The following FXR1 variants were observed in gnomAD, a reference collection of about 807,000 sequenced individuals.
FXR1 encodes RNA-binding protein FXR1.
In FXR1, 15 loss-of-function variants were observed where a neutral mutation model predicts 84.0. The observed-to-expected ratio is 0.18, with a 90% CI of 0.12 to 0.27. The LOEUF (loss-of-function observed/expected upper bound fraction) is 0.27, where lower values mean the gene tolerates loss of function less well. FXR1 is among the 10% of genes least tolerant of loss of function. The pLI is 1.00. For missense variants in FXR1, 480 were observed against 774.4 expected (o/e 0.62, Z 4.51); for synonymous variants, 245 against 250.7 (o/e 0.98, Z 0.21).
chr3:180,913,878 C>A (rs1038675613), intron 1 of FXR1, among the ~76,000 whole-genome samples: 1 of 152,176 alleles, frequency 6.6e-6, no homozygotes, highest in African/African-American at 2.4e-5. Flanking sequence ...AAAGTGAATT[C>A]TCACAGGTTT....
chr3:180,930,448 G>A (rs1035723758), intron 1 of FXR1, among the ~76,000 whole-genome samples: 1 of 152,064 alleles, frequency 6.6e-6, no homozygotes, highest in African/African-American at 2.4e-5. Context: ...TGAGAAAGGA[G>A]TGAAAGTTCC....
chr3:180,963,772 C>G (rs1452346323), intron 13 of FXR1, among the ~76,000 whole-genome samples: 1 of 152,204 alleles, frequency 6.6e-6, no homozygotes, highest in Non-Finnish European at 1.5e-5. Context: ...CAACAATTCT[C>G]TAATCCTAAA....
chr3:180,948,949 T>C, intron 6 of FXR1, 135 bp downstream of exon 6: 1 of 630,244 alleles, frequency 1.6e-6, no homozygotes, highest in Non-Finnish European at 2.9e-6. Flanking sequence ...GGAGAAAAAT[T>C]TGTTTGCAGC....
intron 10 of FXR1, among the ~76,000 whole-genome samples, chr3:180,959,978 C>A (rs1368734110): frequency 6.6e-6 from 1 of 152,130 alleles, no homozygotes; most frequent in Admixed American, 6.5e-5. Context: ...CTAAACCATT[C>A]TGTTTAACTG....
Position 180,960,142 on chromosome 3 carries a change from C to A in FXR1, c.991-1326C>A, listed in dbSNP as rs1172718571. Among the ~76,000 whole-genome samples, 3 of 152,166 alleles carry A rather than the reference C, an allele frequency of 2.0e-5. No homozygotes were observed. In the East Asian group the frequency reaches 5.8e-4, roughly 29 times the overall value. Reference sequence around the variant, plus strand: ...CAGTGTGCCATCTTATTTCTCTTTTCTGCCACTTTTTAAAAATCTTCTTAT... The same window carrying A: ...CAGTGTGCCATCTTATTTCTCTTTTATGCCACTTTTTAAAAATCTTCTTAT... On this transcript the variant is annotated intron_variant, in intron 10 of 16. Coordinates refer to ENST00000357559, the MANE Select transcript of FXR1 (RefSeq NM_005087.4).
chr3:180,913,402 G>A lies in FXR1; in HGVS notation c.51+666G>A, dbSNP rs533154699. 2.6e-5 allele frequency among the ~76,000 whole-genome samples: 4 copies of A among 152,320 alleles called. No homozygotes were observed. In the East Asian group the frequency reaches 7.7e-4, roughly 29 times the overall value. ...TTAGCCCCTCTATTACGGAAGAAAA[G>A]GAGAGTTGTGAGCTTTAAAGTAAGA... On this transcript the variant is annotated intron_variant, in intron 1 of 16. Transcript: ENST00000357559.
chr3:180,929,592 A>G (rs1393859611), intron 1 of FXR1, among the ~76,000 whole-genome samples: 1 of 152,202 alleles, frequency 6.6e-6, no homozygotes. Flanking sequence ...CAAAGATTGG[A>G]TGGAGACTTA....
At chr3:180,963,119 T>TTG in intron 13 of FXR1, 29 bp downstream of exon 13, 1 of 847,674 alleles carries the variant, frequency 1.2e-6, no homozygotes, top group Non-Finnish European at 1.9e-6. Context: ...TTTTTTTTTT[T>TTG]GGTAATAGTA....
intron 10 of FXR1, among the ~76,000 whole-genome samples, chr3:180,959,436 G>T (rs1288192546): frequency 6.6e-6 from 1 of 151,668 alleles, no homozygotes; most frequent in East Asian, 1.9e-4. Context: ...TTAACAAATA[G>T]ATGTTATTTG....
Position 180,978,333 on chromosome 3 carries a change from T to C in FXR1, c.*2041T>C, listed in dbSNP as rs1192363328. 6.6e-6 allele frequency: 1 copy of C among 152,074 alleles called. No individual in the cohort carries two copies. The highest frequency in any genetic ancestry group is 2.4e-5 in the African/African-American group (1 of 41,432). The allele number at this position is 152,074 out of a possible 1,614,324, so 9.4% of individuals were successfully genotyped here. A position where few individuals can be genotyped will look rare whatever the true frequency, so the allele number is the denominator to read the frequency against. On this transcript the variant is annotated 3_prime_UTR_variant, in exon 17 of 17. Transcript: ENST00000357559. Reference sequence around the variant, plus strand: ...CTGAACCAATTCTTCATTCTAGCAATAACCACACTAAGTTCATTACTTTAC... The same window carrying C: ...CTGAACCAATTCTTCATTCTAGCAACAACCACACTAAGTTCATTACTTTAC...
At chr3:180,931,337 GC>G (rs1263992562) in intron 1 of FXR1, among the ~76,000 whole-genome samples, 1 of 151,936 alleles carries the variant, frequency 6.6e-6, no homozygotes, top group African/African-American at 2.4e-5. Flanking sequence ...TCCTGCCTCG[GC>G]CTCCCGAGTA....
chr3:180,975,507 A>G, intron 16 of FXR1, 103 bp downstream of exon 16: 1 of 508,682 alleles, frequency 2.0e-6, no homozygotes, highest in Non-Finnish European at 3.5e-6. Flanking sequence ...GTTTCCACAA[A>G]TAGACAATAC....
chr3:180,940,659 C>T (rs552080083), intron 3 of FXR1, among the ~76,000 whole-genome samples: 11 of 151,620 alleles, frequency 7.3e-5, no homozygotes, highest in African/African-American at 2.7e-4. Context: ...TCAGCGCAAC[C>T]TCCGCCTCCT....
chr3:180,914,944 T>G, intron 1 of FXR1: 1 of 984,882 alleles, frequency 1.0e-6, no homozygotes, highest in South Asian at 4.7e-5. Flanking sequence ...AGAATGAGAA[T>G]GGCGGAGTGG....
intron 10 of FXR1, among the ~76,000 whole-genome samples, chr3:180,959,172 C>T (rs897909857): frequency 6.6e-5 from 10 of 152,110 alleles, no homozygotes; most frequent in Non-Finnish European, 1.2e-4. Flanking sequence ...AAGTATTGAC[C>T]ATTTCTTAAT....
At chr3:180,955,905 T>G (rs1722697946) in intron 9 of FXR1, among the ~76,000 whole-genome samples, 1 of 152,196 alleles carries the variant, frequency 6.6e-6, no homozygotes, top group Non-Finnish European at 1.5e-5. Context: ...TTTGGTGATG[T>G]GGGTTGTGTG....
intron 15 of FXR1, chr3:180,971,255 G>T: frequency 4.0e-6 from 1 of 249,136 alleles, no homozygotes; most frequent in Non-Finnish European, 7.4e-6. Flanking sequence ...ACACATGTGT[G>T]CATATACATT....
Position 180,926,506 on chromosome 3 carries a change from A to ATTTT in FXR1, c.52-6822_52-6819dup, listed in dbSNP as rs57540765. Among the ~76,000 whole-genome samples the ATTTT allele has an allele frequency of 8.4e-3, 1,045 of 124,314 alleles. 13 individuals are homozygous for ATTTT. Among genetic ancestry groups the ATTTT allele is most frequent in the Non-Finnish European group, 0.012 (705 of 58,092 alleles). The allele number at this position is 124,314 out of a possible 152,430, so 81.6% of individuals were successfully genotyped here. On this transcript the variant is annotated intron_variant, in intron 1 of 16. Transcript: ENST00000357559. ...TATATATATATATATATATATATAT[A>ATTTT]TTTTTTTTTCTGGCCTTTTGTTGGC...
chr3:180,961,367 A>AAAAT lies in FXR1; in HGVS notation c.991-101_991-100insAAAT. 3 of 116,520 alleles carry AAAAT rather than the reference A, an allele frequency of 2.6e-5. 1 individual carries two copies. The highest frequency in any genetic ancestry group is 2.3e-4 in the Admixed American group (2 of 8,734). The allele number at this position is 116,520 out of a possible 1,614,324, so 7.2% of individuals were successfully genotyped here. On this transcript the variant is annotated intron_variant, in intron 10 of 16. Coordinates refer to ENST00000357559, the MANE Select transcript of FXR1 (RefSeq NM_005087.4). ...AAAAAAAAAAAAAAAAAAAAAAAAAAGGTGTGTGTGTGTGTGCCTGCCTGT... is the reference window on the plus strand; with the variant it reads ...AAAAAAAAAAAAAAAAAAAAAAAAAAAAATGGTGTGTGTGTGTGTGCCTGCCTGT...
Sources: allele counts gnomAD v4.1 joint callset (sites outside exome capture counted in the v4.1 genomes callset), GRCh38; gene constraint gnomAD v4.1.1; transcripts MANE v1.5; gene names NCBI Gene and HGNC (gene_info 2026-07-23, HGNC 2026-07-21).